The following KCNH8 variants were observed in gnomAD, a reference collection of about 807,000 sequenced individuals.
KCNH8 encodes voltage-gated delayed rectifier potassium channel KCNH8.
KCNH8 carries 70 observed loss-of-function variants against 103.6 expected under a neutral mutation model. The observed-to-expected ratio is 0.68, with a 90% CI of 0.56 to 0.82. The LOEUF is 0.82. KCNH8 is among the 40% of genes least tolerant of loss of function. The pLI is 0.00. For missense variants in KCNH8, 1,217 were observed against 1,329.9 expected (o/e 0.92, Z 1.32); for synonymous variants, 498 against 489.4 (o/e 1.02, Z -0.23).
intron 1 of KCNH8, among the ~76,000 whole-genome samples, chr3:19,176,495 A>G (rs562426900): frequency 9.2e-5 from 14 of 152,226 alleles, no homozygotes; most frequent in African/African-American, 3.4e-4. Flanking sequence ...CATAATTTTA[A>G]TATGGAAGAC....
intron 11 of KCNH8, among the ~76,000 whole-genome samples, chr3:19,490,312 T>G (rs901105121): frequency 6.6e-6 from 1 of 152,216 alleles, no homozygotes; most frequent in Non-Finnish European, 1.5e-5. Flanking sequence ...TGGGAGCATC[T>G]GCAGACTCAC....
chr3:19,252,050 T>C (rs535966140), intron 1 of KCNH8, among the ~76,000 whole-genome samples: 1 of 152,294 alleles, frequency 6.6e-6, no homozygotes, highest in South Asian at 2.1e-4. Context: ...GTGTCCAACA[T>C]TTGTTTCTTG....
intron 11 of KCNH8, among the ~76,000 whole-genome samples, chr3:19,483,589 G>A (rs1029184515): frequency 6.6e-6 from 1 of 152,174 alleles, no homozygotes; most frequent in Non-Finnish European, 1.5e-5. Flanking sequence ...GTGACATTGA[G>A]AAACTGGGCT....
intron 3 of KCNH8, among the ~76,000 whole-genome samples, chr3:19,296,081 T>TTATA: frequency 6.6e-6 from 1 of 152,284 alleles, no homozygotes; most frequent in South Asian, 2.1e-4. Context: ...TTACATAGAT[T>TTATA]TATATATATT....
intron 2 of KCNH8, among the ~76,000 whole-genome samples, chr3:19,258,925 CTCTCTCTCTCTCTCTCTCTCTCTATA>C (rs980997989): frequency 5.1e-5 from 4 of 79,008 alleles, no homozygotes; most frequent in Admixed American, 1.3e-4. Context: ...CTCTCTCTCT[CTCTCTCTCTCTCTCTCTCTCTCTATA>C]TATATATATA....
At chr3:19,355,141 A>G (rs996607885) in intron 5 of KCNH8, among the ~76,000 whole-genome samples, 5 of 152,218 alleles carry the variant, frequency 3.3e-5, no homozygotes, top group African/African-American at 1.2e-4. Context: ...AATGCTCATC[A>G]TCACTGGACA....
At chr3:19,264,174 A>T (rs1414105491) in intron 2 of KCNH8, among the ~76,000 whole-genome samples, 1 of 152,072 alleles carries the variant, frequency 6.6e-6, no homozygotes, top group African/African-American at 2.4e-5. Flanking sequence ...GGTCTTTTGC[A>T]TTCAAGAGGT....
chr3:19,510,213 G>A lies in KCNH8; in HGVS notation c.2041-150G>A, dbSNP rs571676577. ...TTGTAGAAGGTGTTTTCTCTTCTCT[G>A]GCCTGCACAGGTAGATCCACACCCC... On this transcript the variant is annotated intron_variant, in intron 11 of 15. Coordinates refer to ENST00000328405, the MANE Select transcript of KCNH8 (RefSeq NM_144633.3). 4.8e-5 allele frequency: 30 copies of A among 627,206 alleles called. No individual in the cohort carries two copies. The African/African-American group carries it at 5.3e-4, about 11-fold the overall frequency. The allele number at this position is 627,206 out of a possible 1,614,324, so 38.9% of individuals were successfully genotyped here.
At chr3:19,503,719 A>C (rs1354783867) in intron 11 of KCNH8, among the ~76,000 whole-genome samples, 2 of 146,166 alleles carry the variant, frequency 1.4e-5, no homozygotes, top group African/African-American at 2.5e-5. Context: ...ATAGGTGGGA[A>C]TTGAACAATG....
intron 1 of KCNH8, among the ~76,000 whole-genome samples, chr3:19,214,309 A>T (rs79480169): frequency 0.027 from 4,178 of 152,278 alleles, 170 homozygotes; most frequent in African/African-American, 0.093. Context: ...TGACATCTTT[A>T]TCCGGATTGG....
chr3:19,485,682 T>C (rs190853402), intron 11 of KCNH8, among the ~76,000 whole-genome samples: 21 of 152,228 alleles, frequency 1.4e-4, no homozygotes, highest in African/African-American at 5.1e-4. Context: ...GGTCAGGTGT[T>C]TGAGGGAGTA....
rs2069205767 is a variant in KCNH8 at position 19,533,549 on chromosome 3, G to C, written c.2774G>C (p.Arg925Thr). 1 of 1,614,196 alleles carries C rather than the reference G, an allele frequency of 6.2e-7. No homozygotes were observed. The highest frequency in any genetic ancestry group is 2.2e-5 in the East Asian group (1 of 44,850). ...CCCTCCAGGGAGAGCTTACAGACCAGAACGAGCTGGAGTGCACACCAGCCT... is the reference window on the plus strand; with the variant it reads ...CCCTCCAGGGAGAGCTTACAGACCACAACGAGCTGGAGTGCACACCAGCCT... ...VCPSRESLQT[R>T]TSWSAHQPCL... The change falls in exon 16 of 16, where the codon AGA becomes ACA. Residue 925 changes from arginine to threonine, a missense_variant. Physicochemically the swap from Arg to Thr is moderately conservative, Grantham distance 71. Transcript: ENST00000328405.
At chr3:19,308,713 TCTCTCC>T (rs2065166992) in intron 3 of KCNH8, among the ~76,000 whole-genome samples, 3 of 34,918 alleles carry the variant, frequency 8.6e-5, no homozygotes, top group Admixed American at 2.9e-4. Flanking sequence ...TCTCTCTCTC[TCTCTCC>T]CCCTCTCTCC....
At chr3:19,480,267 G>A (rs1331013205) in intron 11 of KCNH8, among the ~76,000 whole-genome samples, 1 of 152,138 alleles carries the variant, frequency 6.6e-6, no homozygotes, top group East Asian at 1.9e-4. Flanking sequence ...TCAGCCTCTT[G>A]AAAGAAGCTT....
rs755255892 is a variant in KCNH8, at chr3:19,342,714, C to A, written c.570C>A (p.Asn190Lys). The change falls in exon 4 of 16, where the codon AAC becomes AAA. Residue 190 changes from asparagine (N) to lysine (K), a missense_variant and splice_region_variant. Asn to Lys is a moderately conservative substitution (Grantham distance 94). Coordinates refer to ENST00000328405, the MANE Select transcript of KCNH8 (RefSeq NM_144633.3). ...AAAAGAACAAATTGAAAATAAATAA[C>A]GTAGGTGGTATGTGTGTACAGGATG... is the stretch of plus-strand genomic sequence containing the variant. ...RREKNKLKIN[N>K]NVFVDKPAFP... The A allele has an allele frequency of 6.2e-7, 1 of 1,603,088 alleles. No homozygotes were observed. Among genetic ancestry groups the A allele is most frequent in the Non-Finnish European group, 8.5e-7 (1 of 1,172,704 alleles).
At chr3:19,303,763 T>G (rs1487048611) in intron 3 of KCNH8, among the ~76,000 whole-genome samples, 2 of 152,122 alleles carry the variant, frequency 1.3e-5, no homozygotes, top group Non-Finnish European at 2.9e-5. Context: ...GCTCTTGAGA[T>G]GAGTGAAGGA....
At chr3:19,149,416 AT>A (rs914308072) in intron 1 of KCNH8, among the ~76,000 whole-genome samples, 1 of 152,140 alleles carries the variant, frequency 6.6e-6, no homozygotes, top group South Asian at 2.1e-4. Flanking sequence ...AAGGACATGA[AT>A]AAAGACGATT....
At chr3:19,207,664 C>T (rs184092874) in intron 1 of KCNH8, among the ~76,000 whole-genome samples, 47 of 151,992 alleles carry the variant, frequency 3.1e-4, no homozygotes, top group African/African-American at 1.9e-4. Flanking sequence ...ATTTTTATGA[C>T]GTTCCTTTTC....
intron 3 of KCNH8, among the ~76,000 whole-genome samples, chr3:19,291,550 G>A (rs1470287178): frequency 2.6e-5 from 4 of 152,134 alleles, no homozygotes; most frequent in African/African-American, 4.8e-5. Flanking sequence ...GTAGTTGAGC[G>A]GTTTTGAGTG....
Sources: gnomAD v4.1 joint callset for allele counts (sites outside exome capture counted in the v4.1 genomes callset) on GRCh38, gnomAD v4.1.1 for gene constraint, MANE v1.5 for transcripts, NCBI Gene and HGNC (gene_info 2026-07-23, HGNC 2026-07-21) for gene names.